TBC1D10C: variants seen among roughly 807,000 people sequenced by gnomAD.
The protein encoded by TBC1D10C is TBC1 domain family member 10C.
TBC1D10C carries 49 observed loss-of-function variants against 51.0 expected under a neutral mutation model. The ratio of observed to expected loss-of-function variants is 0.96; its 90% CI spans 0.76 to 1.22. The LOEUF (loss-of-function observed/expected upper bound fraction) is 1.22, where lower values mean the gene tolerates loss of function less well. TBC1D10C is among the 50% of genes most tolerant of loss of function. The pLI is 0.00. For synonymous variants in TBC1D10C, 281 were observed against 266.7 expected (o/e 1.05, Z -0.52); for missense variants, 541 against 617.5 (o/e 0.88, Z 1.31).
chr11:67,404,893 C>T, intron 1 of TBC1D10C, 192 bp from the exon 2 acceptor site: 1 of 579,316 alleles, frequency 1.7e-6, no homozygotes, highest in Non-Finnish European at 3.1e-6. Context: ...CTGCTTCTGC[C>T]CACGTCGGAG....
intron 8 of TBC1D10C, 133 bp from the exon 9 acceptor site, chr11:67,409,274 C>T (rs2135053006): frequency 1.4e-6 from 2 of 1,390,996 alleles, no homozygotes; most frequent in African/African-American, 1.5e-5. Flanking sequence ...CCTGAGGCCT[C>T]CAGTGGCTTT....
At position 67,406,026 on chromosome 11, in the gene TBC1D10C, C is replaced by A; in HGVS notation, c.582+9C>A. 6.4e-7 allele frequency: 1 copy of A among 1,554,252 alleles called. No individual in the cohort carries two copies. ...TGCACCTGCCCCCAGAGGTGAGTGA[C>A]CTTGACCCTGCTCTGGGAACCCTAG... On this transcript the variant is annotated intron_variant, in intron 5 of 8. Coordinates refer to ENST00000542590, the MANE Select transcript of TBC1D10C (RefSeq NM_001369496.1).
At chr11:67,406,235 T>C (rs1176943487) in intron 5 of TBC1D10C, 1 of 530,732 alleles carries the variant, frequency 1.9e-6, no homozygotes, top group East Asian at 3.1e-5. Context: ...CCCAGTCATC[T>C]AGGAATCTGG....
Position 67,404,358 on chromosome 11 carries a change from AG to A in TBC1D10C, c.152+9del. ...GGGGCAGCTCAGCAGAGCCAGGGTA[AG>A]GGGGCAGGGTGAGGGCTGGCGGAAT... On this transcript the variant is annotated splice_donor_5th_base_variant and intron_variant, in intron 1 of 8. Coordinates refer to ENST00000542590, the MANE Select transcript of TBC1D10C (RefSeq NM_001369496.1). 1 of 1,566,438 alleles carries A rather than the reference AG, an allele frequency of 6.4e-7. No individual in the cohort carries two copies.
Position 67,405,441 on chromosome 11 carries a change from G to T in TBC1D10C, c.295G>T (p.Ala99Ser). 1 of 1,613,556 alleles carries T rather than the reference G, an allele frequency of 6.2e-7. No homozygotes were observed. The highest frequency in any genetic ancestry group is 8.5e-7 in the Non-Finnish European group (1 of 1,179,972). Residue 99 changes from alanine to serine, a missense_variant, in exon 3 of 9, where the codon GCC becomes TCC. By Grantham distance (99) the Ala-to-Ser change is moderately conservative (BLOSUM62 1). Transcript: ENST00000542590. ...GAAAGGCATCCCGTCTGCCCTGCGC[G>T]CCCGATGCTGGCCCCTGTTGTGTGG... is the stretch of plus-strand genomic sequence containing the variant. ...CRKGIPSALRARCWPLLCGAH... is the reference protein window; with the variant it reads ...CRKGIPSALRSRCWPLLCGAH...
rs775719186 is a variant in TBC1D10C, at chr11:67,405,461, G to A, written c.315G>A (p.Leu105=). 6.2e-7 allele frequency: 1 copy of A among 1,613,726 alleles called. No individual in the cohort carries two copies. The highest frequency in any genetic ancestry group is 1.7e-5 in the Admixed American group (1 of 60,018). ...SALRARCWPL[L]CGAHVCQKNS... is the part of the protein sequence containing the mutation. Reference sequence around the variant, plus strand: ...TGCGCGCCCGATGCTGGCCCCTGTTGTGTGGGGCCCATGTGTGCCAGAAGA... The same window carrying A: ...TGCGCGCCCGATGCTGGCCCCTGTTATGTGGGGCCCATGTGTGCCAGAAGA... The change falls in exon 3 of 9, where the codon TTG becomes TTA. Residue 105 remains leucine, a synonymous_variant. Transcript: ENST00000542590.
rs1863361272 is a variant in TBC1D10C, at chr11:67,409,604, G to A, written c.1191G>A (p.Gln397=). The change falls in exon 9 of 9, where the codon CAG becomes CAA. Residue 397 remains glutamine (Q), a synonymous_variant. Transcript: ENST00000542590. The part of the protein sequence containing the change: ...AKPEVPRIVV[Q]PPEEPRPPRR... ...CTGAGGTGCCTCGGATTGTGGTGCA[G>A]CCCCCGGAGGAGCCCAGACCACCGC... is the stretch of plus-strand genomic sequence containing the variant. 1 of 1,552,174 alleles carries A rather than the reference G, an allele frequency of 6.4e-7. No homozygotes were observed. Among genetic ancestry groups the A allele is most frequent in the Non-Finnish European group, 8.7e-7 (1 of 1,148,746 alleles).
In TBC1D10C at chr11:67,409,048, G is replaced by T; in HGVS notation, c.908G>T (p.Gly303Val). 1 of 1,594,174 alleles carries T rather than the reference G, an allele frequency of 6.3e-7. No homozygotes were observed. The highest frequency in any genetic ancestry group is 2.3e-5 in the East Asian group (1 of 43,848). ...RLALGTAEQR[G>V]ACPGLLETLG... is the part of the protein sequence containing the mutation. ...GCGCTGGGCACTGCAGAGCAGCGAGGGGCCTGCCCTGGCCTCCTGGAGACA... is the reference window on the plus strand; with the variant it reads ...GCGCTGGGCACTGCAGAGCAGCGAGTGGCCTGCCCTGGCCTCCTGGAGACA... The change falls in exon 8 of 9, where the codon GGG becomes GTG. Residue 303 changes from glycine (G) to valine (V), a missense_variant. Transcript: ENST00000542590.
chr11:67,407,241 C>G, intron 7 of TBC1D10C: 1 of 573,234 alleles, frequency 1.7e-6, no homozygotes, highest in Non-Finnish European at 3.0e-6. Flanking sequence ...GGGGCAGGAG[C>G]AGGGTGATCA....
In TBC1D10C at chr11:67,409,599, G is replaced by A. The variant is rs1863360735; in HGVS notation, c.1186G>A (p.Val396Met). The stretch of plus-strand genomic sequence containing the variant: ...CAAGCCTGAGGTGCCTCGGATTGTG[G>A]TGCAGCCCCCGGAGGAGCCCAGACC... ...GAKPEVPRIVVQPPEEPRPPR... is the reference protein window; with the variant it reads ...GAKPEVPRIVMQPPEEPRPPR... Residue 396 changes from valine (V) to methionine (M), a missense_variant, in exon 9 of 9, where the codon GTG (valine) becomes ATG (methionine). By Grantham distance (21) the Val-to-Met change is conservative (BLOSUM62 1). Transcript: ENST00000542590. 2.6e-6 allele frequency: 4 copies of A among 1,551,002 alleles called. No homozygotes were observed. The highest frequency in any genetic ancestry group is 2.0e-5 in the Admixed American group (1 of 51,200).
At chr11:67,406,749 G>A in intron 6 of TBC1D10C, 57 bp downstream of exon 6, 1 of 1,598,468 alleles carries the variant, frequency 6.3e-7, no homozygotes, top group Non-Finnish European at 8.5e-7. Context: ...GTGAGTGGGT[G>A]GGGGTCTGGG....
In TBC1D10C at chr11:67,409,826, G is replaced by A; in HGVS notation, c.*72G>A. On this transcript the variant is annotated 3_prime_UTR_variant, in exon 9 of 9. Coordinates refer to ENST00000542590, the MANE Select transcript of TBC1D10C (RefSeq NM_001369496.1). ...GATGCCGGCCCGGCAAATAGGCACC[G>A]CACTTTACTCTTGGGACTCGGGGAC... 3.8e-6 allele frequency: 5 copies of A among 1,326,052 alleles called. No homozygotes were observed. The highest frequency in any genetic ancestry group is 4.1e-6 in the Non-Finnish European group (4 of 978,778). 82.1% of individuals were successfully genotyped at this position (1,326,052 alleles called of 1,614,324 possible). A position where few individuals can be genotyped will look rare whatever the true frequency, so the allele number is the denominator to read the frequency against.
intron 6 of TBC1D10C, 41 bp downstream of exon 6, chr11:67,406,733 G>A (rs1405182224): frequency 1.3e-6 from 2 of 1,583,356 alleles, no homozygotes; most frequent in Non-Finnish European, 1.7e-6. Flanking sequence ...GAGGGGCAGG[G>A]GCCCGGTGAG....
At chr11:67,407,219 G>C in intron 7 of TBC1D10C, 1 of 629,722 alleles carries the variant, frequency 1.6e-6, no homozygotes, top group Non-Finnish European at 2.7e-6. Flanking sequence ...GAGGCTTCCA[G>C]AGGAGGCAGA....
At chr11:67,406,600 C>T (rs1225125154) in intron 5 of TBC1D10C, 27 bp from the exon 6 acceptor site, 12 of 1,549,044 alleles carry the variant, frequency 7.7e-6, no homozygotes, top group East Asian at 2.4e-5. Flanking sequence ...TGAGCACTTA[C>T]AGGCCTGTGC....
chr11:67,409,227 T>G (rs985112032), intron 8 of TBC1D10C, 94 bp downstream of exon 8: 7 of 1,441,952 alleles, frequency 4.9e-6, no homozygotes, highest in Non-Finnish European at 6.5e-6. Context: ...GAATGGGGAC[T>G]TAGTTCCTGT....
At chr11:67,406,225 C>G (rs1863158934) in intron 5 of TBC1D10C, 1 of 534,570 alleles carries the variant, frequency 1.9e-6, no homozygotes, top group Admixed American at 3.6e-5. Flanking sequence ...CAGCCTTGAC[C>G]CCAGTCATCT....
intron 1 of TBC1D10C, 186 bp from the exon 2 acceptor site, chr11:67,404,899 C>T (rs770977649): frequency 8.5e-5 from 50 of 586,460 alleles, no homozygotes; most frequent in Admixed American, 7.8e-4. Context: ...CTGCCCACGT[C>T]GGAGCCACAT....
chr11:67,409,189 T>G, intron 8 of TBC1D10C, 56 bp downstream of exon 8: 1 of 1,514,666 alleles, frequency 6.6e-7, no homozygotes, highest in South Asian at 1.3e-5. Context: ...CGGGGGAAAC[T>G]GAGTCCCAGA....
Sources: gnomAD v4.1 joint callset for allele counts on GRCh38, gnomAD v4.1.1 for gene constraint, MANE v1.5 for transcripts, NCBI Gene and HGNC (gene_info 2026-07-23, HGNC 2026-07-21) for gene names.